IL32: variants seen among roughly 807,000 people sequenced by gnomAD.
IL32 encodes interleukin 32, also known as interleukin-32.
In IL32, 30 loss-of-function variants were observed where a neutral mutation model predicts 16.6. The observed-to-expected ratio is 1.81, with a 90% CI of 1.35 to 2.45. The LOEUF (loss-of-function observed/expected upper bound fraction) is 2.45, where lower values mean the gene tolerates loss of function less well. Among genes scored for constraint, IL32 ranks in the 30% most tolerant of loss-of-function variants. The probability of loss-of-function intolerance (pLI) is 0.00; values close to 1 mark genes in which losing one functional copy is unlikely to be tolerated. For synonymous variants in IL32, 70 were observed against 86.1 expected (o/e 0.81, Z 1.03); for missense variants, 234 against 229.8 (o/e 1.02, Z -0.12).
At chr16:3,068,441 G>A (rs1956681983) in intron 6 of IL32, 1 of 582,232 alleles carries the variant, frequency 1.7e-6, no homozygotes, top group Non-Finnish European at 3.1e-6. Flanking sequence ...AAGTAGTTGG[G>A]ACTACAGGCA....
At position 3,069,109 on chromosome 16, in the gene IL32, G is replaced by C; in HGVS notation, c.321G>C (p.Lys107Asn). The C allele has an allele frequency of 1.9e-6, 3 of 1,610,334 alleles. No individual in the cohort carries two copies. Among genetic ancestry groups the C allele is most frequent in the Non-Finnish European group, 2.5e-6 (3 of 1,178,110 alleles). ...AGCCTGGGGAGAGCTTTTGTGACAA[G>C]GTCATGAGATGGTTCCAGGCCATGC... ...TEEPGESFCD[K>N]VMRWFQAMLQ... Residue 107 changes from lysine to asparagine, a missense_variant, in exon 7 of 7, where the codon AAG (lysine) becomes AAC (asparagine). Lys to Asn is a moderately conservative substitution (Grantham distance 94, BLOSUM62 0). This residue lies in a region of IL32 where 44 missense variants were observed against 103.1 expected (regional missense o/e 0.43). Coordinates refer to ENST00000525643, the MANE Select transcript of IL32 (RefSeq NM_001376923.1).
chr16:3,066,011 G>T (rs929967913), intron 2 of IL32, among the ~76,000 whole-genome samples, 185 bp downstream of exon 2: 4 of 152,170 alleles, frequency 2.6e-5, no homozygotes, highest in Non-Finnish European at 5.9e-5. Flanking sequence ...TGTCGGGGGC[G>T]CTGGAGAACG....
In IL32 at chr16:3,068,194, G is replaced by A. The variant is rs747208885; in HGVS notation, c.156G>A (p.Glu52=). The stretch of plus-strand genomic sequence containing the variant: ...CCTCTCCCCAGGACGACTTCAAAGA[G>A]GGCTACCTGGAGACAGTGGCGGCTT... The part of the protein sequence containing the change: ...SLAELEDDFK[E]GYLETVAAYY... Residue 52 remains glutamate, a synonymous_variant, in exon 6 of 7, where the codon GAG becomes GAA. Transcript: ENST00000525643. 18 of 1,604,226 alleles carry A rather than the reference G, an allele frequency of 1.1e-5. No individual in the cohort carries two copies. Among genetic ancestry groups the A allele is most frequent in the Non-Finnish European group, 1.4e-5 (17 of 1,175,218 alleles).
At chr16:3,067,500 C>T in intron 3 of IL32, 54 bp from the exon 4 acceptor site, 2 of 1,613,954 alleles carry the variant, frequency 1.2e-6, no homozygotes, top group Non-Finnish European at 1.7e-6. Flanking sequence ...ACACCTGGGA[C>T]CCTGGAGGGA....
intron 2 of IL32, 69 bp from the exon 3 acceptor site, chr16:3,067,308 T>TGTGTGTGTGTGC: frequency 1.3e-6 from 1 of 748,604 alleles, no homozygotes; most frequent in Non-Finnish European, 2.3e-6. Context: ...TGTGTGTGTG[T>TGTGTGTGTGTGC]GTATAAATTA....
intron 4 of IL32, 64 bp from the exon 5 acceptor site, chr16:3,067,920 G>C (rs1956586854): frequency 6.3e-7 from 1 of 1,585,212 alleles, no homozygotes; most frequent in African/African-American, 1.3e-5. Flanking sequence ...CTGGGCTTGA[G>C]GACTGACTGA....
Position 3,065,817 on chromosome 16 carries a change from C to T in IL32, c.6C>T (p.Cys2=), listed in dbSNP as rs1956246615. The change falls in exon 2 of 7, where the codon TGC becomes TGT. Residue 2 remains cysteine, a synonymous_variant. Transcript: ENST00000525643. M[C]FPKVLSDDMK... is the part of the protein sequence containing the mutation. The stretch of plus-strand genomic sequence containing the variant: ...TCCTTGAACTTTTGGCCGCCATGTG[C>T]TTCCCGAAGGTGAGTGAGAGGCTGC... 1 of 1,614,148 alleles carries T rather than the reference C, an allele frequency of 6.2e-7. No homozygotes were observed. Among genetic ancestry groups the T allele is most frequent in the East Asian group, 2.2e-5 (1 of 44,886 alleles).
chr16:3,065,839 C>G lies in IL32; in HGVS notation c.15+13C>G, dbSNP rs1406496554. 1.2e-6 allele frequency: 2 copies of G among 1,614,058 alleles called. No homozygotes were observed. The highest frequency in any genetic ancestry group is 1.7e-5 in the Admixed American group (1 of 60,022). ...GTGCTTCCCGAAGGTGAGTGAGAGGCTGCGTGTGCTTTTGTGGGCATGTCT... is the reference window on the plus strand; with the variant it reads ...GTGCTTCCCGAAGGTGAGTGAGAGGGTGCGTGTGCTTTTGTGGGCATGTCT... On this transcript the variant is annotated intron_variant, in intron 2 of 6. Transcript: ENST00000525643.
chr16:3,065,990 G>C (rs1956266382), intron 2 of IL32, among the ~76,000 whole-genome samples, 164 bp downstream of exon 2: 1 of 152,166 alleles, frequency 6.6e-6, no homozygotes, highest in South Asian at 2.1e-4. Context: ...GGAGGCGCTG[G>C]AGGTCATATG....
intron 3 of IL32, 35 bp downstream of exon 3, chr16:3,067,450 G>C: frequency 1.9e-6 from 3 of 1,611,030 alleles, no homozygotes; most frequent in Non-Finnish European, 2.5e-6. Flanking sequence ...CAGGGGTTGG[G>C]GGCCTGGGTC....
chr16:3,067,545 T>C lies in IL32; in HGVS notation c.55-9T>C, dbSNP rs555441503. 25 of 1,614,028 alleles carry C rather than the reference T, an allele frequency of 1.5e-5. No individual in the cohort carries two copies. The East Asian group carries it at 2.2e-4, about 14-fold the overall frequency. ...GGCCCTTTGGTGCCAACTCTGCCTC[T>C]CTTCACAGCACCAGGCCATAGAAAG... On this transcript the variant is annotated splice_polypyrimidine_tract_variant and intron_variant, in intron 3 of 6. Transcript: ENST00000525643.
chr16:3,067,954 G>C, intron 4 of IL32, 30 bp from the exon 5 acceptor site: 4 of 1,613,924 alleles, frequency 2.5e-6, no homozygotes, highest in South Asian at 1.1e-5. Flanking sequence ...GGAGGCTTGG[G>C]CCTGGAACCG....
Position 3,067,771 on chromosome 16 carries a change from G to A in IL32, c.114+158G>A, listed in dbSNP as rs541415850. On this transcript the variant is annotated intron_variant, in intron 4 of 6. Transcript: ENST00000525643. ...TGCACCTGGGTGGCAGTGAGTGGGC[G>A]GGTGGGGGATCTGGACGCCCGGGGA... The A allele has an allele frequency of 5.8e-4, 477 of 819,538 alleles. 3 individuals are homozygous for A. The East Asian group carries it at 6.6e-3, about 11-fold the overall frequency. The allele number at this position is 819,538 out of a possible 1,614,324, so 50.8% of individuals were successfully genotyped here.
chr16:3,067,493 C>T (rs1956515500), intron 3 of IL32, 61 bp from the exon 4 acceptor site: 2 of 1,613,972 alleles, frequency 1.2e-6, no homozygotes, highest in Non-Finnish European at 1.7e-6. Flanking sequence ...CTGTGGGACA[C>T]CTGGGACCCT....
rs764542270 is a variant in IL32 at position 3,067,420 on chromosome 16, T to C, written c.54+5T>C. On this transcript the variant is annotated splice_donor_5th_base_variant and intron_variant, in intron 3 of 6. Coordinates refer to ENST00000525643, the MANE Select transcript of IL32 (RefSeq NM_001376923.1). ...AAGAAGCTGAAGGCCCGAATGGTAATGCTCCTCCCTACTTCTGCTCAGGGG... is the reference window on the plus strand; with the variant it reads ...AAGAAGCTGAAGGCCCGAATGGTAACGCTCCTCCCTACTTCTGCTCAGGGG... 1.9e-6 allele frequency: 3 copies of C among 1,591,636 alleles called. No homozygotes were observed. In the South Asian group the frequency reaches 3.4e-5, roughly 18 times the overall value.
chr16:3,067,897 A>G (rs962702507), intron 4 of IL32, 87 bp from the exon 5 acceptor site: 2 of 1,461,206 alleles, frequency 1.4e-6, no homozygotes, highest in South Asian at 1.1e-5. Context: ...GGTGTGTGGG[A>G]GCTGAGGACT....
chr16:3,067,824 G>A (rs1369121837), intron 4 of IL32, 160 bp from the exon 5 acceptor site: 12 of 908,852 alleles, frequency 1.3e-5, no homozygotes, highest in Non-Finnish European at 1.8e-5. Context: ...AAGCCCCAGG[G>A]CTCCTTGAGG....
intron 2 of IL32, among the ~76,000 whole-genome samples, chr16:3,067,103 G>T (rs1458673835): frequency 1.1e-5 from 1 of 87,810 alleles, no homozygotes; most frequent in Non-Finnish European, 2.5e-5. Flanking sequence ...GTGAGGAGGG[G>T]TCACCTAGGC....
chr16:3,066,879 G>A (rs902618038), intron 2 of IL32, among the ~76,000 whole-genome samples: 2 of 147,314 alleles, frequency 1.4e-5, no homozygotes, highest in Non-Finnish European at 3.1e-5. Context: ...GTGTGTACAT[G>A]GGGGGGTGTG....
Sources: allele counts gnomAD v4.1 joint callset (sites outside exome capture counted in the v4.1 genomes callset), GRCh38; gene constraint gnomAD v4.1.1; regional missense constraint gnomAD v4.1.1; transcripts MANE v1.5; gene names NCBI Gene and HGNC (gene_info 2026-07-23, HGNC 2026-07-21).